The following NECAB2 variants were observed in gnomAD, a reference collection of about 807,000 sequenced individuals.
NECAB2 encodes the protein N-terminal EF-hand calcium binding protein 2.
Under a neutral mutation model 51.9 loss-of-function variants are expected in NECAB2, and 68 were observed. The ratio of observed to expected loss-of-function variants is 1.31; its 90% CI spans 1.08 to 1.60. The LOEUF is 1.60. Ranked by LOEUF, NECAB2 falls within the 40% of genes most tolerant of loss-of-function variation. The probability of loss-of-function intolerance (pLI) is 0.00; values close to 1 mark genes in which losing one functional copy is unlikely to be tolerated. For synonymous variants in NECAB2, 329 were observed against 203.5 expected, an observed-to-expected ratio of 1.62 and a Z score of -5.25; for missense variants, 854 against 490.3, an observed-to-expected ratio of 1.74 and a Z score of -7.00.
At position 83,983,996 on chromosome 16, in the gene NECAB2, G is replaced by GTTTT. The variant is rs552020138; in HGVS notation, c.459+2885_459+2888dup. Among the ~76,000 whole-genome samples the GTTTT allele has an allele frequency of 7.6e-3, 957 of 125,258 alleles. 11 individuals are homozygous for GTTTT. Among genetic ancestry groups the GTTTT allele is most frequent in the Non-Finnish European group, 0.012 (749 of 60,880 alleles). 82.2% of individuals were successfully genotyped at this position (125,258 alleles called of 152,430 possible). A position where few individuals can be genotyped will look rare whatever the true frequency, so the allele number is the denominator to read the frequency against. ...GTAAAATACATATATATATATGGTGGTTTTTTTTTTTTTTTTTTTGACGGA... is the reference window on the plus strand; with the variant it reads ...GTAAAATACATATATATATATGGTGGTTTTTTTTTTTTTTTTTTTTTTTGACGGA... On this transcript the variant is annotated intron_variant, in intron 5 of 12. Transcript: ENST00000305202.
chr16:83,983,020 C>T (rs1162081472), intron 5 of NECAB2, among the ~76,000 whole-genome samples: 1 of 151,910 alleles, frequency 6.6e-6, no homozygotes, highest in African/African-American at 2.4e-5. Context: ...AGGCGCCCAC[C>T]ACCACTCCTG....
intron 6 of NECAB2, among the ~76,000 whole-genome samples, chr16:83,990,972 C>T (rs922608557): frequency 3.9e-5 from 6 of 152,010 alleles, no homozygotes; most frequent in African/African-American, 9.7e-5. Flanking sequence ...GTTTGGCCCA[C>T]GTTTTATTTA....
chr16:83,965,412 C>A, upstream of NECAB2: 1 of 1,577,398 alleles, frequency 6.3e-7, no homozygotes, highest in Non-Finnish European at 8.6e-7. Context: ...AGGGTGGGTG[C>A]GGTGACCCCG....
chr16:83,996,190 TCTC>T (rs927799691), intron 8 of NECAB2, among the ~76,000 whole-genome samples: 4 of 152,126 alleles, frequency 2.6e-5, no homozygotes, highest in Non-Finnish European at 4.4e-5. Context: ...CCACAGTGCC[TCTC>T]CTCATCCTCC....
chr16:84,000,773 T>C lies in NECAB2; in HGVS notation c.1012T>C (p.Phe338Leu), dbSNP rs778969912. The stretch of plus-strand genomic sequence containing the variant: ...TGGCTTCACCTTTGTCATCTATGAG[T>C]TCTGGGAGACAGAGGAGGCGTGGAA... ...SDGFTFVIYE[F>L]WETEEAWKRH... The change falls in exon 11 of 13, where the codon TTC (phenylalanine) becomes CTC (leucine). Residue 338 changes from phenylalanine to leucine, a missense_variant. Physicochemically the swap from Phe to Leu is conservative, Grantham distance 22 (BLOSUM62 0). Transcript: ENST00000305202. 7 of 1,613,660 alleles carry C rather than the reference T, an allele frequency of 4.3e-6. No homozygotes were observed. The East Asian group carries it at 1.6e-4, about 36-fold the overall frequency.
At chr16:83,997,638 C>T (rs867519667) in intron 9 of NECAB2, among the ~76,000 whole-genome samples, 4 of 151,886 alleles carry the variant, frequency 2.6e-5, no homozygotes, top group Non-Finnish European at 2.9e-5. Context: ...CAGGTGTGTG[C>T]CACCACGCCT....
chr16:83,999,452 G>C (rs533192024), intron 10 of NECAB2, among the ~76,000 whole-genome samples: 7 of 152,302 alleles, frequency 4.6e-5, no homozygotes, highest in Admixed American at 1.3e-4. Context: ...GAGACGGCAA[G>C]CCTGGAGAGC....
At position 83,994,635 on chromosome 16, in the gene NECAB2, C is replaced by G; in HGVS notation, c.742C>G (p.Leu248Val). Residue 248 changes from leucine (L) to valine (V), a missense_variant, in exon 8 of 13, where the codon CTG becomes GTG. Coordinates refer to ENST00000305202, the MANE Select transcript of NECAB2 (RefSeq NM_019065.3). ...SATEDAKEEGLEAQISRLAEL... is the reference protein window; with the variant it reads ...SATEDAKEEGVEAQISRLAEL... ...CACGGAGGATGCAAAGGAAGAGGGT[C>G]TGGAAGCCCAGATCAGCCGCTTGGC... 6.2e-7 allele frequency: 1 copy of G among 1,614,124 alleles called. No individual in the cohort carries two copies. The highest frequency in any genetic ancestry group is 8.5e-7 in the Non-Finnish European group (1 of 1,180,048).
intron 6 of NECAB2, chr16:83,993,322 T>C (rs2084650119): frequency 6.6e-6 from 1 of 152,220 alleles, no homozygotes; most frequent in African/African-American, 2.4e-5. Flanking sequence ...ATAAAGACTC[T>C]GCCAGCCTCT....
chr16:84,001,725 A>ATAAGC (rs1270402922), intron 11 of NECAB2, 100 bp from the exon 12 acceptor site: 2 of 1,312,868 alleles, frequency 1.5e-6, no homozygotes, highest in South Asian at 1.3e-5. Context: ...GTGCTTATTG[A>ATAAGC]TAAGCTCCCC....
At chr16:83,980,274 A>G (rs2084468951) in intron 3 of NECAB2, among the ~76,000 whole-genome samples, 1 of 152,060 alleles carries the variant, frequency 6.6e-6, no homozygotes, top group Admixed American at 6.5e-5. Context: ...TGCACCCCTT[A>G]TCTTGGGGCC....
chr16:83,997,570 C>G (rs143617347), intron 9 of NECAB2, among the ~76,000 whole-genome samples: 4 of 141,982 alleles, frequency 2.8e-5, no homozygotes, highest in African/African-American at 1.0e-4. Flanking sequence ...TTACTGCAAC[C>G]TCTGCCTCCT....
intron 6 of NECAB2, among the ~76,000 whole-genome samples, chr16:83,992,259 G>T (rs905508158): frequency 6.6e-6 from 1 of 152,000 alleles, no homozygotes; most frequent in African/African-American, 2.4e-5. Context: ...CCATGGGAAT[G>T]CATCTGGGGT....
intron 5 of NECAB2, among the ~76,000 whole-genome samples, chr16:83,984,153 G>T (rs892176915): frequency 2.0e-5 from 3 of 151,678 alleles, no homozygotes; most frequent in Non-Finnish European, 4.4e-5. Flanking sequence ...CCGCTACTAC[G>T]CCTGGCTAAT....
At chr16:83,969,790 C>G (rs2084329177) in intron 1 of NECAB2, among the ~76,000 whole-genome samples, 1 of 152,118 alleles carries the variant, frequency 6.6e-6, no homozygotes, top group African/African-American at 2.4e-5. Flanking sequence ...GGGGCTGCCT[C>G]TGCCTGTGTG....
intron 2 of NECAB2, among the ~76,000 whole-genome samples, chr16:83,975,340 G>C (rs923300930): frequency 2.0e-5 from 3 of 150,818 alleles, no homozygotes; most frequent in African/African-American, 7.3e-5. Context: ...GCGGGGATGG[G>C]AACAGGTGTG....
At chr16:83,997,549 G>A (rs993575444) in intron 9 of NECAB2, among the ~76,000 whole-genome samples, 7 of 148,224 alleles carry the variant, frequency 4.7e-5, no homozygotes, top group Admixed American at 6.9e-5. Flanking sequence ...GTGCAGTGGT[G>A]GGATGTCGGC....
rs765290355 is a variant in NECAB2 at position 83,997,286 on chromosome 16, CCT to C, written c.849+22_849+23del. 2.9e-5 allele frequency: 47 copies of C among 1,614,046 alleles called. No individual in the cohort carries two copies. In the South Asian group the frequency reaches 3.2e-4, roughly 11 times the overall value. ...ACCAACATGGTGAGGCCCCTTCCCA[CCT>C]CTCTTCTGGGACCACATCCCTACCC... On this transcript the variant is annotated intron_variant, in intron 9 of 12. Coordinates refer to ENST00000305202, the MANE Select transcript of NECAB2 (RefSeq NM_019065.3).
Position 83,978,448 on chromosome 16 carries a change from T to C in NECAB2, c.231T>C (p.Asp77=), listed in dbSNP as rs1420341281. The C allele has an allele frequency of 6.2e-7, 1 of 1,613,528 alleles. No individual in the cohort carries two copies. The change falls in exon 3 of 13, where the codon GAT becomes GAC. Residue 77 remains aspartate, a synonymous_variant. Transcript: ENST00000305202. ...DIFRRADKND[D]GKLSLEEFQL... ...TCTCTGCTTCCTTCCTTGCAGATGA[T>C]GGGAAGCTGTCCTTGGAGGAATTCC...
Sources: allele counts gnomAD v4.1 joint callset (sites outside exome capture counted in the v4.1 genomes callset), GRCh38; gene constraint gnomAD v4.1.1; transcripts MANE v1.5; gene names NCBI Gene and HGNC (gene_info 2026-07-23, HGNC 2026-07-21).